Variants in CDC7 observed in about 807,000 individuals in gnomAD.
The protein encoded by CDC7 is cell division cycle 7.
In CDC7, 34 loss-of-function variants were observed where a neutral mutation model predicts 53.5. The ratio of observed to expected loss-of-function variants is 0.64; its 90% CI spans 0.48 to 0.85. CDC7 has a LOEUF of 0.85. CDC7 is among the 40% of genes least tolerant of loss of function. The pLI, the probability that CDC7 is intolerant of heterozygous loss-of-function variation, is 0.00. For missense variants in CDC7, 594 were observed against 679.7 expected (o/e 0.87, Z 1.40); for synonymous variants, 211 against 222.8 (o/e 0.95, Z 0.47).
chr1:91,501,869 T>C, intron 2 of CDC7, 38 bp downstream of exon 2: 1 of 1,407,074 alleles, frequency 7.1e-7, no homozygotes, highest in Non-Finnish European at 1.0e-6. Context: ...GTTATAAAGA[T>C]TTTTCAGGCA....
chr1:91,517,431 G>A (rs1272697594), intron 10 of CDC7, among the ~76,000 whole-genome samples: 1 of 152,144 alleles, frequency 6.6e-6, no homozygotes, highest in African/African-American at 2.4e-5. Flanking sequence ...AGGCATTCAG[G>A]ATGTTTACCA....
Position 91,524,466 on chromosome 1 carries a change from T to C in CDC7, c.*31T>C, listed in dbSNP as rs373013229. On this transcript the variant is annotated 3_prime_UTR_variant, in exon 12 of 12. Transcript: ENST00000234626. ...GATCTTCATTTAATGTTTACTGTTA[T>C]GAGGTAGAATAAAAAAGAATACTTT... is the stretch of plus-strand genomic sequence containing the variant. 9.3e-6 allele frequency: 14 copies of C among 1,512,654 alleles called. No individual in the cohort carries two copies. The highest frequency in any genetic ancestry group is 1.2e-5 in the Non-Finnish European group (14 of 1,121,414). The allele number at this position is 1,512,654 out of a possible 1,614,324, so 93.7% of individuals were successfully genotyped here.
intron 2 of CDC7, among the ~76,000 whole-genome samples, chr1:91,505,892 C>T (rs1352375734): frequency 6.6e-6 from 1 of 152,162 alleles, no homozygotes; most frequent in Non-Finnish European, 1.5e-5. Flanking sequence ...CTTAATGTTT[C>T]TCCTCCCTTT....
intron 5 of CDC7, 34 bp from the exon 6 acceptor site, chr1:91,511,747 T>C (rs374676600): frequency 1.5e-5 from 24 of 1,581,754 alleles, no homozygotes; most frequent in Non-Finnish European, 2.0e-5. Context: ...GCAAACAATA[T>C]TTGTAACTCA....
rs1185999225 is a variant in CDC7 at position 91,525,531 on chromosome 1, G to A, written c.*1096G>A. ...CTTCCTATGGGAAAAAGTCTGGTGG[G>A]TGGTCAGCTGACAGATTTCCCATTT... is the stretch of plus-strand genomic sequence containing the variant. On this transcript the variant is annotated 3_prime_UTR_variant, in exon 12 of 12. Transcript: ENST00000234626. 1 of 152,084 alleles carries A rather than the reference G, an allele frequency of 6.6e-6. No individual in the cohort carries two copies. The highest frequency in any genetic ancestry group is 1.5e-5 in the Non-Finnish European group (1 of 67,952). The allele number at this position is 152,084 out of a possible 1,614,324, so 9.4% of individuals were successfully genotyped here. A position where few individuals can be genotyped will look rare whatever the true frequency, so the allele number is the denominator to read the frequency against.
At chr1:91,502,347 G>A (rs922639057) in intron 2 of CDC7, among the ~76,000 whole-genome samples, 1 of 152,142 alleles carries the variant, frequency 6.6e-6, no homozygotes, top group African/African-American at 2.4e-5. Flanking sequence ...TTGTACACTC[G>A]CATGTGTACC....
At chr1:91,515,133 T>A in intron 9 of CDC7, 136 bp downstream of exon 9, 1 of 572,360 alleles carries the variant, frequency 1.7e-6, no homozygotes, top group Non-Finnish European at 3.0e-6. Context: ...TGCAGAGCAG[T>A]AGTATGTTGA....
chr1:91,508,234 T>C (rs1557588771), intron 3 of CDC7, 28 bp from the exon 4 acceptor site: 1 of 1,553,060 alleles, frequency 6.4e-7, no homozygotes, highest in Non-Finnish European at 8.7e-7. Flanking sequence ...AAACCAGATA[T>C]TGAAAAATTT....
intron 11 of CDC7, among the ~76,000 whole-genome samples, chr1:91,523,265 G>A (rs547625667): frequency 6.6e-6 from 1 of 152,100 alleles, no homozygotes; most frequent in Non-Finnish European, 1.5e-5. Flanking sequence ...AAGGAAAAGG[G>A]GAGGGAAGAG....
chr1:91,512,335 A>C (rs2102361458), intron 6 of CDC7, among the ~76,000 whole-genome samples: 1 of 152,226 alleles, frequency 6.6e-6, no homozygotes, highest in South Asian at 2.1e-4. Flanking sequence ...AAATTGTATT[A>C]GTGGAATAAT....
intron 11 of CDC7, 114 bp from the exon 12 acceptor site, chr1:91,523,927 C>A: frequency 7.8e-6 from 5 of 640,576 alleles, no homozygotes; most frequent in Non-Finnish European, 1.1e-5. Flanking sequence ...TGTGTGTGTC[C>A]ATGTCTATAA....
chr1:91,513,550 A>G (rs1667400362), intron 7 of CDC7, among the ~76,000 whole-genome samples: 1 of 152,188 alleles, frequency 6.6e-6, no homozygotes, highest in Non-Finnish European at 1.5e-5. Context: ...TTATGAAATC[A>G]TATTTTATGA....
intron 10 of CDC7, 44 bp downstream of exon 10, chr1:91,515,920 T>C: frequency 7.0e-7 from 1 of 1,422,254 alleles, no homozygotes; most frequent in Non-Finnish European, 9.9e-7. Context: ...AATGGATTGT[T>C]CCAGACGTAT....
chr1:91,508,402 G>T lies in CDC7; in HGVS notation c.335+5G>T. The T allele has an allele frequency of 6.2e-7, 1 of 1,603,412 alleles. No individual in the cohort carries two copies. Among genetic ancestry groups the T allele is most frequent in the Non-Finnish European group, 8.5e-7 (1 of 1,174,104 alleles). On this transcript the variant is annotated splice_donor_5th_base_variant and intron_variant, in intron 4 of 11. Coordinates refer to ENST00000234626, the MANE Select transcript of CDC7 (RefSeq NM_003503.4). ...TCAGTGCCTAACAGTGGCTGGGTAG[G>T]CAATTTAAACATATTTTAATTGAAC...
intron 9 of CDC7, 133 bp from the exon 10 acceptor site, chr1:91,515,661 A>G: frequency 9.8e-7 from 1 of 1,020,384 alleles, no homozygotes; most frequent in Non-Finnish European, 1.4e-6. Context: ...CTAGATTATC[A>G]TTTACTTTAT....
intron 7 of CDC7, 53 bp from the exon 8 acceptor site, chr1:91,513,895 A>G: frequency 7.8e-7 from 1 of 1,277,130 alleles, no homozygotes; most frequent in Admixed American, 1.7e-5. Flanking sequence ...TACAGCTGGC[A>G]GAAAGTGTTA....
intron 10 of CDC7, 149 bp downstream of exon 10, chr1:91,516,025 TG>T (rs1667541354): frequency 3.2e-6 from 2 of 633,396 alleles, no homozygotes; most frequent in South Asian, 4.7e-5. Flanking sequence ...TTCCTATTTT[TG>T]AGCTAATGCT....
At chr1:91,516,633 A>G (rs1667571707) in intron 10 of CDC7, among the ~76,000 whole-genome samples, 1 of 152,248 alleles carries the variant, frequency 6.6e-6, no homozygotes, top group African/African-American at 2.4e-5. Context: ...TTTAAGGAGT[A>G]TCTAACTATC....
intron 2 of CDC7, among the ~76,000 whole-genome samples, chr1:91,502,325 C>T (rs1431723124): frequency 6.6e-6 from 1 of 152,190 alleles, no homozygotes; most frequent in Non-Finnish European, 1.5e-5. Context: ...CAGGGTCAAG[C>T]AGTGCCTGCT....
Sources: gnomAD v4.1 joint callset for allele counts (sites outside exome capture counted in the v4.1 genomes callset) on GRCh38, gnomAD v4.1.1 for gene constraint, MANE v1.5 for transcripts, NCBI Gene and HGNC (gene_info 2026-07-23, HGNC 2026-07-21) for gene names.